Variants in MGAT4A observed in about 807,000 individuals in gnomAD.
MGAT4A encodes the protein alpha-1,3-mannosyl-glycoprotein 4-beta-N-acetylglucosaminyltransferase A, also known as N-acetylglucosaminyltransferase IVa.
Under a neutral mutation model 74.1 loss-of-function variants are expected in MGAT4A, and 33 were observed. The ratio of observed to expected loss-of-function variants is 0.45; its 90% CI spans 0.34 to 0.60. MGAT4A has a LOEUF of 0.60. MGAT4A is among the 20% of genes least tolerant of loss of function. The probability of loss-of-function intolerance (pLI) is 0.02; values close to 1 mark genes in which losing one functional copy is unlikely to be tolerated. For synonymous variants in MGAT4A, 198 were observed against 210.4 expected, an observed-to-expected ratio of 0.94 and a Z score of 0.51; for missense variants, 479 against 628.3, an observed-to-expected ratio of 0.76 and a Z score of 2.54.
intron 14 of MGAT4A, among the ~76,000 whole-genome samples, chr2:98,634,796 C>T (rs72825725): frequency 5.3e-5 from 8 of 149,946 alleles, no homozygotes; most frequent in South Asian, 2.1e-4. Context: ...GTGTTACAGA[C>T]GCTTGTGGTA....
In MGAT4A at chr2:98,726,544, C is replaced by G; in HGVS notation, c.-212G>C. 1 of 430,602 alleles carries G rather than the reference C, an allele frequency of 2.3e-6. No individual in the cohort carries two copies. Among genetic ancestry groups the G allele is most frequent in the Non-Finnish European group, 4.1e-6 (1 of 243,330 alleles). The allele number at this position is 430,602 out of a possible 1,614,324, so 26.7% of individuals were successfully genotyped here. A position where few individuals can be genotyped will look rare whatever the true frequency, so the allele number is the denominator to read the frequency against. On this transcript the variant is annotated 5_prime_UTR_variant, in exon 2 of 16. Transcript: ENST00000393487. ...GGATCGTCTTTGCGGTCTTCACACG[C>G]TGATGCCTCGGCCTTTTCCCTTCCT...
chr2:98,678,249 A>AAAT lies in MGAT4A; in HGVS notation c.262+54_262+55insATT, dbSNP rs67023324. 893 of 263,540 alleles carry AAAT rather than the reference A, an allele frequency of 3.4e-3. 13 individuals carry two copies. Among genetic ancestry groups the AAAT allele is most frequent in the African/African-American group, 0.024 (821 of 34,796 alleles). The allele number at this position is 263,540 out of a possible 1,614,324, so 16.3% of individuals were successfully genotyped here. On this transcript the variant is annotated intron_variant, in intron 3 of 15. Transcript: ENST00000393487. ...TGTCTCAAAGAAAAAAAAAAAAAAAAATATATATATATATATATAAAATCT... is the reference window on the plus strand; with the variant it reads ...TGTCTCAAAGAAAAAAAAAAAAAAAAAATATATATATATATATATATAAAATCT...
At chr2:98,628,739 A>G (rs1701182519) in intron 14 of MGAT4A, among the ~76,000 whole-genome samples, 1 of 152,192 alleles carries the variant, frequency 6.6e-6, no homozygotes, top group African/African-American at 2.4e-5. Context: ...CTCAAAATCT[A>G]CTTTTCTTGT....
intron 14 of MGAT4A, among the ~76,000 whole-genome samples, chr2:98,628,880 G>A (rs150155115): frequency 1.3e-5 from 2 of 152,186 alleles, no homozygotes; most frequent in East Asian, 1.9e-4. Flanking sequence ...GTGCAAAGCC[G>A]GGAGAGCATG....
In MGAT4A at chr2:98,709,853, C is replaced by T. The variant is rs115896060; in HGVS notation, c.94+16386G>A. Among the ~76,000 whole-genome samples the T allele has an allele frequency of 2.7e-3, 407 of 152,284 alleles. 2 individuals are homozygous for T. Among genetic ancestry groups the T allele is most frequent in the Non-Finnish European group, 4.1e-3 (279 of 68,016 alleles). ...ACTAGTTGGCAAACTCTTTCCCTAGCCCACAACACTTTTCACATTCTCCTT... is the reference window on the plus strand; with the variant it reads ...ACTAGTTGGCAAACTCTTTCCCTAGTCCACAACACTTTTCACATTCTCCTT... On this transcript the variant is annotated intron_variant, in intron 2 of 15. Transcript: ENST00000393487.
chr2:98,698,509 C>T (rs1702305975), intron 2 of MGAT4A, among the ~76,000 whole-genome samples: 1 of 152,200 alleles, frequency 6.6e-6, no homozygotes, highest in Admixed American at 6.5e-5. Context: ...CTTCTTTACA[C>T]AGATCCCAGT....
intron 2 of MGAT4A, among the ~76,000 whole-genome samples, chr2:98,719,338 G>T (rs1398743086): frequency 6.6e-6 from 1 of 152,206 alleles, no homozygotes; most frequent in Non-Finnish European, 1.5e-5. Flanking sequence ...ACAATCAGCT[G>T]GTAATTAGTG....
intron 2 of MGAT4A, among the ~76,000 whole-genome samples, chr2:98,695,807 C>T (rs1244505428): frequency 1.3e-5 from 2 of 151,230 alleles, no homozygotes; most frequent in Non-Finnish European, 2.9e-5. Context: ...CTGCAAGTGA[C>T]TGTGTTTTGT....
At chr2:98,671,746 T>C (rs996620070) in intron 4 of MGAT4A, among the ~76,000 whole-genome samples, 6 of 151,928 alleles carry the variant, frequency 3.9e-5, no homozygotes, top group African/African-American at 1.5e-4. Flanking sequence ...GTGATTAAAG[T>C]TCTTGAGATG....
intron 2 of MGAT4A, among the ~76,000 whole-genome samples, chr2:98,712,796 T>C (rs1459287286): frequency 2.6e-5 from 4 of 152,202 alleles, no homozygotes; most frequent in African/African-American, 9.6e-5. Context: ...ACCAAATGAA[T>C]ACTGACTATA....
At chr2:98,667,871 CA>C (rs1486530411) in intron 4 of MGAT4A, among the ~76,000 whole-genome samples, 1 of 152,076 alleles carries the variant, frequency 6.6e-6, no homozygotes, top group East Asian at 1.9e-4. Context: ...AGGTGCCCAC[CA>C]CCATGGCCAG....
intron 2 of MGAT4A, among the ~76,000 whole-genome samples, chr2:98,722,466 T>C (rs1288404238): frequency 6.6e-6 from 1 of 152,176 alleles, no homozygotes; most frequent in Non-Finnish European, 1.5e-5. Context: ...TACATTTATC[T>C]GAAAATCCAG....
At chr2:98,669,237 G>A (rs1300845047) in intron 4 of MGAT4A, among the ~76,000 whole-genome samples, 3 of 152,126 alleles carry the variant, frequency 2.0e-5, no homozygotes, top group Admixed American at 6.5e-5. Flanking sequence ...GAGGGACCCG[G>A]TGGGAGGTAA....
At chr2:98,656,572 C>T (rs1476567029) in intron 6 of MGAT4A, 107 bp from the exon 7 acceptor site, 1 of 705,632 alleles carries the variant, frequency 1.4e-6, no homozygotes, top group Non-Finnish European at 2.4e-6. Flanking sequence ...TCATTTGTAG[C>T]AACGTATAAT....
At chr2:98,711,374 C>G (rs1022234720) in intron 2 of MGAT4A, among the ~76,000 whole-genome samples, 1 of 151,630 alleles carries the variant, frequency 6.6e-6, no homozygotes, top group East Asian at 1.9e-4. Flanking sequence ...TAATCCTGAT[C>G]ACATTTGACA....
chr2:98,637,689 G>A (rs978353513), intron 12 of MGAT4A, among the ~76,000 whole-genome samples: 1 of 152,148 alleles, frequency 6.6e-6, no homozygotes, highest in Admixed American at 6.5e-5. Flanking sequence ...GAGTCAGAAA[G>A]ACCTGGGTCC....
chr2:98,701,542 G>A (rs1366432604), intron 2 of MGAT4A, among the ~76,000 whole-genome samples: 2 of 152,166 alleles, frequency 1.3e-5, no homozygotes, highest in Non-Finnish European at 2.9e-5. Context: ...GACAACCTCT[G>A]AGCACAGCAC....
intron 14 of MGAT4A, among the ~76,000 whole-genome samples, chr2:98,634,186 C>A (rs986603736): frequency 6.6e-6 from 1 of 152,264 alleles, no homozygotes; most frequent in South Asian, 2.1e-4. Flanking sequence ...AGGAGAGACA[C>A]GGCCCCTCCC....
chr2:98,715,054 G>A (rs1207213192), intron 2 of MGAT4A, among the ~76,000 whole-genome samples: 1 of 152,130 alleles, frequency 6.6e-6, no homozygotes, highest in Non-Finnish European at 1.5e-5. Context: ...GGTGACTCAA[G>A]CCTGTGATCC....
Sources: gnomAD v4.1 joint callset for allele counts (sites outside exome capture counted in the v4.1 genomes callset) on GRCh38, gnomAD v4.1.1 for gene constraint, MANE v1.5 for transcripts, NCBI Gene and HGNC (gene_info 2026-07-23, HGNC 2026-07-21) for gene names.